The following GTF3C3 variants were observed in gnomAD, a reference collection of about 807,000 sequenced individuals.
GTF3C3 encodes general transcription factor 3C polypeptide 3.
In GTF3C3, 75 loss-of-function variants were observed where a neutral mutation model predicts 105.2. The ratio of observed to expected loss-of-function variants is 0.71; its 90% CI spans 0.59 to 0.86. The LOEUF (loss-of-function observed/expected upper bound fraction) is 0.86, where lower values mean the gene tolerates loss of function less well. GTF3C3 is among the 40% of genes least tolerant of loss of function. GTF3C3 has a pLI of 0.00. For missense variants in GTF3C3, 856 were observed against 1,076.5 expected (o/e 0.80, Z 2.87); for synonymous variants, 335 against 370.4 (o/e 0.90, Z 1.10).
At chr2:196,766,751 A>G (rs1699076319) in intron 16 of GTF3C3, 34 bp from the exon 17 acceptor site, 1 of 1,558,296 alleles carries the variant, frequency 6.4e-7, no homozygotes, top group African/African-American at 1.4e-5. Context: ...TCAATATTTC[A>G]CTGATTTGAC....
At position 196,778,926 on chromosome 2, in the gene GTF3C3, T is replaced by G; in HGVS notation, c.1360A>C (p.Asn454His). The stretch of plus-strand genomic sequence containing the variant: ...TGACGAAGCCAAACTACTGCAAGGT[T>G]GTATCTTTCAGAGCAAACAAGAGCA... ...LSALVCSERYNLAVVWLRHAE... is the reference protein window; with the variant it reads ...LSALVCSERYHLAVVWLRHAE... The change falls in exon 10 of 18, where the codon AAC becomes CAC. Residue 454 changes from asparagine to histidine, a missense_variant. Asn to His is a moderately conservative substitution (Grantham distance 68). This residue lies in a region of GTF3C3 where 605 missense variants were observed against 833.6 expected (regional missense o/e 0.73). Transcript: ENST00000263956. 1 of 1,614,064 alleles carries G rather than the reference T, an allele frequency of 6.2e-7. No homozygotes were observed. Among genetic ancestry groups the G allele is most frequent in the Non-Finnish European group, 8.5e-7 (1 of 1,179,958 alleles).
intron 17 of GTF3C3, 103 bp from the exon 18 acceptor site, chr2:196,764,788 G>GTGTAA: frequency 9.8e-7 from 1 of 1,022,266 alleles, no homozygotes; most frequent in East Asian, 2.4e-5. Flanking sequence ...GTTTTCAAAA[G>GTGTAA]GTATTAAAGC....
Position 196,771,914 on chromosome 2 carries a change from A to G in GTF3C3, c.2094T>C (p.Asn698=). The G allele has an allele frequency of 6.2e-7, 1 of 1,612,626 alleles. No individual in the cohort carries two copies. The highest frequency in any genetic ancestry group is 8.5e-7 in the Non-Finnish European group (1 of 1,178,602). ...YIRIMVMENV[N]KPQLWNIFNQ... ...TGAAAATGTTCCAGAGCTGGGGTTT[A>G]TTGACATTTTCCATTACCATTATCC... The change falls in exon 15 of 18, where the codon AAT becomes AAC. Residue 698 remains asparagine, a synonymous_variant. Transcript: ENST00000263956.
chr2:196,779,307 T>C (rs900494714), intron 9 of GTF3C3, among the ~76,000 whole-genome samples: 1 of 152,060 alleles, frequency 6.6e-6, no homozygotes, highest in Non-Finnish European at 1.5e-5. Flanking sequence ...TTTGTATGTT[T>C]AGTAGAGACA....
rs558635452 is a variant in GTF3C3 at position 196,786,788 on chromosome 2, TTC to T, written c.894-1202_894-1201del. ...ATACCGTCTCCAATGCCTCTTTCCA[TTC>T]TCTTTTTAACCTAATCCAATCAACT... On this transcript the variant is annotated intron_variant, in intron 6 of 17. Coordinates refer to ENST00000263956, the MANE Select transcript of GTF3C3 (RefSeq NM_012086.5). This position sits in a 1 kb window ranked among gnomAD's most constrained non-coding sequence, Gnocchi z 4.2. Among the ~76,000 whole-genome samples the T allele has an allele frequency of 4.9e-4, 75 of 152,078 alleles. No homozygotes were observed. The highest frequency in any genetic ancestry group is 1.7e-3 in the African/African-American group (72 of 41,514).
At chr2:196,770,929 T>A (rs938950963) in intron 15 of GTF3C3, among the ~76,000 whole-genome samples, 1 of 152,120 alleles carries the variant, frequency 6.6e-6, no homozygotes, top group Non-Finnish European at 1.5e-5. Flanking sequence ...GGTTACTGGA[T>A]GAACGATGAT....
rs780575425 is a variant in GTF3C3, at chr2:196,790,082, T to TA, written c.536-13dup. ...ATAAGCCAGAGGAGCTATAACAAATTAAAAAAATAAATTCCATTGGCTGAG... is the reference window on the plus strand; with the variant it reads ...ATAAGCCAGAGGAGCTATAACAAATTAAAAAAAATAAATTCCATTGGCTGAG... On this transcript the variant is annotated splice_polypyrimidine_tract_variant and intron_variant, in intron 4 of 17. Coordinates refer to ENST00000263956, the MANE Select transcript of GTF3C3 (RefSeq NM_012086.5). The TA allele has an allele frequency of 7.1e-6, 11 of 1,558,162 alleles. No homozygotes were observed. The African/African-American group carries it at 1.1e-4, about 16-fold the overall frequency.
intron 12 of GTF3C3, 21 bp downstream of exon 12, chr2:196,775,987 CAT>C (rs1246643092): frequency 5.4e-6 from 6 of 1,103,294 alleles, no homozygotes; most frequent in Admixed American, 2.2e-5. Flanking sequence ...ACAAGGCTAA[CAT>C]AAAGAAAGAT....
At chr2:196,769,570 AT>A (rs902248643) in intron 16 of GTF3C3, among the ~76,000 whole-genome samples, 9 of 150,946 alleles carry the variant, frequency 6.0e-5, no homozygotes, top group Middle Eastern at 3.4e-3. Context: ...TTATTGTATA[AT>A]TTTTTTTTTC....
intron 5 of GTF3C3, among the ~76,000 whole-genome samples, chr2:196,789,676 C>T (rs564221390): frequency 6.6e-6 from 1 of 152,102 alleles, no homozygotes; most frequent in East Asian, 1.9e-4. Flanking sequence ...TACCAACTTT[C>T]GTGTTGTATT....
At chr2:196,782,218 C>A (rs1430061184) in intron 8 of GTF3C3, among the ~76,000 whole-genome samples, 1 of 152,166 alleles carries the variant, frequency 6.6e-6, no homozygotes, top group Non-Finnish European at 1.5e-5. Context: ...GAGGACACAG[C>A]AAGAAGGCAC....
chr2:196,769,259 A>G (rs1699127812), intron 16 of GTF3C3, among the ~76,000 whole-genome samples: 1 of 152,198 alleles, frequency 6.6e-6, no homozygotes, highest in Non-Finnish European at 1.5e-5. Flanking sequence ...TAGACCCTGC[A>G]ACTCCATTCA....
chr2:196,764,254 A>ATGG lies in GTF3C3; in HGVS notation c.*306_*308dup. 1 of 201,554 alleles carries ATGG rather than the reference A, an allele frequency of 5.0e-6. No homozygotes were observed. The highest frequency in any genetic ancestry group is 1.1e-4 in the East Asian group (1 of 8,806). The allele number at this position is 201,554 out of a possible 1,614,324, so 12.5% of individuals were successfully genotyped here. A position where few individuals can be genotyped will look rare whatever the true frequency, so the allele number is the denominator to read the frequency against. ...TAGTATTAAATACAAAGATGAATAA[A>ATGG]TGGTGTGAGTGAAAAATAGTGTATT... is the stretch of plus-strand genomic sequence containing the variant. On this transcript the variant is annotated 3_prime_UTR_variant, in exon 18 of 18. Transcript: ENST00000263956.
chr2:196,767,389 A>G (rs984243989), intron 16 of GTF3C3, among the ~76,000 whole-genome samples: 1 of 152,216 alleles, frequency 6.6e-6, no homozygotes, highest in East Asian at 1.9e-4. Flanking sequence ...AGCTTTTATC[A>G]TTCACTGAAA....
At chr2:196,798,295 C>T (rs1699680768) in intron 1 of GTF3C3, among the ~76,000 whole-genome samples, 1 of 152,138 alleles carries the variant, frequency 6.6e-6, no homozygotes, top group South Asian at 2.1e-4. Context: ...GAGGCCGAGA[C>T]AGGCGGATCC....
rs1699005813 is a variant in GTF3C3, at chr2:196,763,495, T to TG, written c.*1067dup. 1 of 152,226 alleles carries TG rather than the reference T, an allele frequency of 6.6e-6. No homozygotes were observed. The highest frequency in any genetic ancestry group is 2.1e-4 in the South Asian group (1 of 4,834). 9.4% of individuals were successfully genotyped at this position (152,226 alleles called of 1,614,324 possible). ...ATAAAATGCATTTAAATTATACACATGGAGTATACAATATATTTACTTATT... is the reference window on the plus strand; with the variant it reads ...ATAAAATGCATTTAAATTATACACATGGGAGTATACAATATATTTACTTATT... On this transcript the variant is annotated 3_prime_UTR_variant, in exon 18 of 18. Transcript: ENST00000263956.
intron 2 of GTF3C3, among the ~76,000 whole-genome samples, chr2:196,797,374 G>T (rs1576040503): frequency 6.6e-6 from 1 of 152,144 alleles, no homozygotes; most frequent in Non-Finnish European, 1.5e-5. Context: ...TTCCATGAGG[G>T]CAACCAACTT....
At chr2:196,794,780 G>C (rs1452258137) in intron 2 of GTF3C3, among the ~76,000 whole-genome samples, 4 of 151,536 alleles carry the variant, frequency 2.6e-5, no homozygotes, top group Non-Finnish European at 5.9e-5. Context: ...TGTCGCCCAG[G>C]CTGGAGTGCA....
chr2:196,797,439 G>A (rs1699666223), intron 2 of GTF3C3, among the ~76,000 whole-genome samples: 2 of 152,200 alleles, frequency 1.3e-5, no homozygotes, highest in Non-Finnish European at 2.9e-5. Context: ...CAGTGGTTTG[G>A]AAGCCACTTT....
Sources: gnomAD v4.1 joint callset for allele counts (sites outside exome capture counted in the v4.1 genomes callset) on GRCh38, gnomAD v4.1.1 for gene constraint, gnomAD v4.1.1 regional missense constraint, Gnocchi (gnomAD v3.1) non-coding constraint, MANE v1.5 for transcripts, NCBI Gene and HGNC (gene_info 2026-07-23, HGNC 2026-07-21) for gene names.